The following AXIN1 variants were observed in gnomAD, a reference collection of about 807,000 sequenced individuals.
AXIN1 encodes axin 1.
Under a neutral mutation model 76.4 loss-of-function variants are expected in AXIN1, and 30 were observed. The observed-to-expected ratio is 0.39, with a 90% CI of 0.29 to 0.53. The LOEUF (loss-of-function observed/expected upper bound fraction) is 0.53, where lower values mean the gene tolerates loss of function less well. Among genes scored for constraint, AXIN1 ranks in the 20% least tolerant of loss-of-function variants. AXIN1 has a pLI of 0.66. For missense variants in AXIN1, 1,140 were observed against 1,198.8 expected, an observed-to-expected ratio of 0.95 and a Z score of 0.72; for synonymous variants, 545 against 501.4, an observed-to-expected ratio of 1.09 and a Z score of -1.16.
At chr16:295,096 CT>C (rs888214026) in intron 7 of AXIN1, among the ~76,000 whole-genome samples, 71 of 141,810 alleles carry the variant, frequency 5.0e-4, no homozygotes, top group East Asian at 1.9e-3. Context: ...TTCATGGAGA[CT>C]TTTTTTTTTT....
intron 5 of AXIN1, among the ~76,000 whole-genome samples, chr16:303,532 A>C (rs1388906432): frequency 6.6e-6 from 1 of 151,794 alleles, no homozygotes; most frequent in Non-Finnish European, 1.5e-5. Flanking sequence ...CAGGCACCTG[A>C]CACCAACCCG....
intron 5 of AXIN1, 144 bp from the exon 6 acceptor site, chr16:298,395 C>T (rs776221279): frequency 9.9e-7 from 1 of 1,011,590 alleles, no homozygotes; most frequent in East Asian, 2.6e-5. Context: ...CCGGTCCTGT[C>T]CCTGAGGATG....
intron 2 of AXIN1, among the ~76,000 whole-genome samples, chr16:317,051 C>T (rs554902176): frequency 7.9e-5 from 12 of 152,334 alleles, no homozygotes; most frequent in African/African-American, 2.6e-4. Context: ...CACACCTGCG[C>T]ATCAGAGTCC....
intron 2 of AXIN1, among the ~76,000 whole-genome samples, chr16:325,308 G>A (rs1268480620): frequency 1.5e-5 from 1 of 67,504 alleles, no homozygotes; most frequent in African/African-American, 9.6e-5. Context: ...AGTGCCCCCC[G>A]CTGCTCCGGC....
chr16:309,941 G>T, intron 4 of AXIN1, 32 bp downstream of exon 4: 1 of 1,605,942 alleles, frequency 6.2e-7, no homozygotes, highest in Non-Finnish European at 8.5e-7. Context: ...CGGGGAGGAC[G>T]ATGGGCTGAG....
chr16:291,409 A>G (rs2052557522), intron 8 of AXIN1, 112 bp from the exon 9 acceptor site: 9 of 895,466 alleles, frequency 1.0e-5, no homozygotes, highest in Non-Finnish European at 1.6e-5. Context: ...GGGCCCGAAC[A>G]ACCCACCCTG....
intron 3 of AXIN1, among the ~76,000 whole-genome samples, chr16:311,687 C>T (rs140108584): frequency 0.019 from 2,896 of 152,238 alleles, 41 homozygotes; most frequent in South Asian, 0.034. Context: ...AGGAGAATGG[C>T]GTGAACCCGG....
intron 10 of AXIN1, chr16:288,454 G>A (rs2052451955): frequency 5.5e-6 from 4 of 730,796 alleles, no homozygotes; most frequent in Non-Finnish European, 9.2e-6. Context: ...CATGGGGGGT[G>A]AGTTCACTGC....
At chr16:348,208 G>A (rs1324820865) in intron 1 of AXIN1, among the ~76,000 whole-genome samples, 1 of 152,238 alleles carries the variant, frequency 6.6e-6, no homozygotes, top group Non-Finnish European at 1.5e-5. Flanking sequence ...GGCTATGCCT[G>A]TCAACCCGGC....
chr16:302,339 G>A lies in AXIN1; in HGVS notation c.1254+1965C>T, dbSNP rs564650946. On this transcript the variant is annotated intron_variant, in intron 5 of 10. Coordinates refer to ENST00000262320, the MANE Select transcript of AXIN1 (RefSeq NM_003502.4). ...CCACACCTGTGCCCTACCCAGATGAGGGTCACCCTCAGACCAACGGCCAGG... is the reference window on the plus strand; with the variant it reads ...CCACACCTGTGCCCTACCCAGATGAAGGTCACCCTCAGACCAACGGCCAGG... Among the ~76,000 whole-genome samples, 9 of 152,362 alleles carry A rather than the reference G, an allele frequency of 5.9e-5. No homozygotes were observed. The South Asian group carries it at 6.2e-4, about 11-fold the overall frequency.
rs746629269 is a variant in AXIN1 at position 293,746 on chromosome 16, CTG to C, written c.1956-30_1956-29del. The C allele has an allele frequency of 1.9e-6, 3 of 1,607,224 alleles. No individual in the cohort carries two copies. The highest frequency in any genetic ancestry group is 2.2e-5 in the East Asian group (1 of 44,852). On this transcript the variant is annotated intron_variant, in intron 7 of 10. Transcript: ENST00000262320. The surrounding 1 kb of genome is among the most constrained non-coding windows in gnomAD (Gnocchi z 4.6). ...TGGGGAACAAGAGAACAAGTTGTGA[CTG>C]TGGCCGACACCCTGGCCAGGTGGCC... is the stretch of plus-strand genomic sequence containing the variant.
intron 5 of AXIN1, among the ~76,000 whole-genome samples, chr16:300,107 A>G (rs1050623156): frequency 1.3e-5 from 2 of 151,150 alleles, no homozygotes; most frequent in African/African-American, 4.9e-5. Context: ...GCCCAGCTAA[A>G]TTTTTTGTAT....
In AXIN1 at chr16:346,133, T is replaced by C; in HGVS notation, c.878+15A>G. On this transcript the variant is annotated intron_variant, in intron 2 of 10. Coordinates refer to ENST00000262320, the MANE Select transcript of AXIN1 (RefSeq NM_003502.4). ...GAGGTGAGTACAGAAAGTGGACGCC[T>C]GGCGTCGGACTCACCTGAACTCTCT... 1 of 1,612,034 alleles carries C rather than the reference T, an allele frequency of 6.2e-7. No homozygotes were observed. Among genetic ancestry groups the C allele is most frequent in the South Asian group, 1.1e-5 (1 of 91,060 alleles).
chr16:297,096 C>G lies in AXIN1; in HGVS notation c.1915G>C (p.Gly639Arg). 6.2e-7 allele frequency: 1 copy of G among 1,612,716 alleles called. No homozygotes were observed. The highest frequency in any genetic ancestry group is 8.5e-7 in the Non-Finnish European group (1 of 1,179,940). ...NQKIMQWIIEGEKEISRHRRT... is the reference protein window; with the variant it reads ...NQKIMQWIIEREKEISRHRRT... ...CGGTGCCTGCTGATCTCCTTTTCCC[C>G]CTCAATGATCCACTGCATGATTTTC... is the stretch of plus-strand genomic sequence containing the variant. Residue 639 changes from glycine to arginine, a missense_variant, in exon 7 of 11, where the codon GGG becomes CGG. Transcript: ENST00000262320.
intron 8 of AXIN1, chr16:292,911 C>T (rs548905517): frequency 5.5e-4 from 67 of 121,128 alleles, no homozygotes; most frequent in Non-Finnish European, 9.5e-4. Context: ...GCTGGACGTC[C>T]CGGATGAGAG....
chr16:342,191 C>T (rs959020768), intron 2 of AXIN1, among the ~76,000 whole-genome samples: 3 of 152,104 alleles, frequency 2.0e-5, no homozygotes, highest in Non-Finnish European at 4.4e-5. Context: ...CTGTAACACT[C>T]ACCGCGAAGA....
rs538517410 is a variant in AXIN1, at chr16:343,291, G to A, written c.878+2857C>T. Among the ~76,000 whole-genome samples the A allele has an allele frequency of 1.1e-4, 16 of 152,332 alleles. No homozygotes were observed. The South Asian group carries it at 2.3e-3, about 22-fold the overall frequency. ...AGGACAGACAGCAAAGCTACTGCTC[G>A]CAGCCAAGAACTGAAGAGTGGCTGG... On this transcript the variant is annotated intron_variant, in intron 2 of 10. Coordinates refer to ENST00000262320, the MANE Select transcript of AXIN1 (RefSeq NM_003502.4).
intron 5 of AXIN1, among the ~76,000 whole-genome samples, chr16:300,398 CTA>C (rs570899716): frequency 2.4e-4 from 37 of 151,990 alleles, no homozygotes; most frequent in Non-Finnish European, 4.0e-4. Context: ...GGGAATCTCA[CTA>C]TGTTGTCCAA....
At chr16:328,063 A>G (rs2053618512) in intron 2 of AXIN1, among the ~76,000 whole-genome samples, 1 of 152,140 alleles carries the variant, frequency 6.6e-6, no homozygotes, top group South Asian at 2.1e-4. Context: ...CTGAGTGAAA[A>G]GGCCAGACCT....
Sources: allele counts gnomAD v4.1 joint callset (sites outside exome capture counted in the v4.1 genomes callset), GRCh38; gene constraint gnomAD v4.1.1; non-coding constraint Gnocchi (gnomAD v3.1); transcripts MANE v1.5; gene names NCBI Gene and HGNC (gene_info 2026-07-23, HGNC 2026-07-21).